Variants in RDH10 observed in about 807,000 individuals in gnomAD.
RDH10 encodes the protein retinol dehydrogenase 10.
Under a neutral mutation model 30.2 loss-of-function variants are expected in RDH10, and 12 were observed. The observed-to-expected ratio is 0.40, with a 90% CI of 0.25 to 0.64. The LOEUF (loss-of-function observed/expected upper bound fraction) is 0.64, where lower values mean the gene tolerates loss of function less well. Ranked by LOEUF, RDH10 falls within the 30% of genes least tolerant of loss-of-function variation. The pLI is 0.43. For missense variants in RDH10, 268 were observed against 445.2 expected (o/e 0.60, Z 3.58); for synonymous variants, 189 against 172.2 (o/e 1.10, Z -0.76).
chr8:73,305,879 A>G (rs1049255353), intron 2 of RDH10, among the ~76,000 whole-genome samples: 3 of 152,212 alleles, frequency 2.0e-5, no homozygotes, highest in African/African-American at 7.2e-5. Context: ...GTTAAGTTCA[A>G]TATTTTGAGC....
rs572456854 is a variant in RDH10, at chr8:73,299,107, C to T, written c.525+1678C>T. Among the ~76,000 whole-genome samples, 15 of 152,326 alleles carry T rather than the reference C, an allele frequency of 9.8e-5. No individual in the cohort carries two copies. The East Asian group carries it at 2.1e-3, about 22-fold the overall frequency. ...AGGGTTACAGGTGTAAACCACTGCA[C>T]CCGGCCAACATGAACTTTATTTAAT... On this transcript the variant is annotated intron_variant, in intron 2 of 5. Coordinates refer to ENST00000240285, the MANE Select transcript of RDH10 (RefSeq NM_172037.5).
At chr8:73,306,988 C>T (rs1264009618) in intron 2 of RDH10, among the ~76,000 whole-genome samples, 3 of 152,156 alleles carry the variant, frequency 2.0e-5, no homozygotes, top group African/African-American at 4.8e-5. Context: ...CATACTGCCC[C>T]CTACTGATTT....
At chr8:73,305,839 A>G (rs1414283982) in intron 2 of RDH10, among the ~76,000 whole-genome samples, 6 of 152,230 alleles carry the variant, frequency 3.9e-5, no homozygotes, top group Non-Finnish European at 7.3e-5. Context: ...CTTAAGAAAT[A>G]GAGAACTATT....
At chr8:73,316,295 C>T (rs1814662891) in intron 2 of RDH10, among the ~76,000 whole-genome samples, 1 of 152,164 alleles carries the variant, frequency 6.6e-6, no homozygotes, top group African/African-American at 2.4e-5. Context: ...TTGGGGATTA[C>T]AAGTGTGAGC....
At chr8:73,296,213 A>T (rs536838226) in intron 1 of RDH10, among the ~76,000 whole-genome samples, 57 of 152,178 alleles carry the variant, frequency 3.7e-4, no homozygotes, top group African/African-American at 1.4e-3. Flanking sequence ...TGCATTTCTG[A>T]ATACTTATTA....
intron 3 of RDH10, among the ~76,000 whole-genome samples, chr8:73,319,933 T>C (rs1356613503): frequency 1.1e-4 from 17 of 152,258 alleles, no homozygotes; most frequent in Admixed American, 1.1e-3. Flanking sequence ...GTCCTCTGCA[T>C]GCCTGTAAAA....
rs140711312 is a variant in RDH10, at chr8:73,308,959, C to A, written c.526-10137C>A. On this transcript the variant is annotated intron_variant, in intron 2 of 5. Transcript: ENST00000240285. ...CAGCCACAGCAGCACCACCTAACTA[C>A]TGAATCTGAGTCTGCATTTGATTCA... Among the ~76,000 whole-genome samples the A allele has an allele frequency of 5.4e-4, 82 of 152,330 alleles. 2 individuals carry two copies. Among genetic ancestry groups the A allele is most frequent in the African/African-American group, 1.9e-3 (79 of 41,584 alleles).
intron 2 of RDH10, among the ~76,000 whole-genome samples, chr8:73,309,743 G>C (rs1484417511): frequency 1.3e-5 from 2 of 151,106 alleles, no homozygotes; most frequent in Non-Finnish European, 2.9e-5. Context: ...TAATGTACAT[G>C]TTCTTTCTAG....
chr8:73,310,552 G>C (rs1814546820), intron 2 of RDH10, among the ~76,000 whole-genome samples: 1 of 152,200 alleles, frequency 6.6e-6, no homozygotes, highest in South Asian at 2.1e-4. Context: ...AGTAGTTACT[G>C]GTCACTAGAG....
intron 4 of RDH10, chr8:73,321,968 G>C (rs1255446203): frequency 4.4e-6 from 2 of 456,280 alleles, no homozygotes; most frequent in South Asian, 3.1e-5. Flanking sequence ...GAACATGTGT[G>C]TGTGTTGGTG....
At chr8:73,318,314 T>C (rs961613384) in intron 2 of RDH10, among the ~76,000 whole-genome samples, 11 of 152,230 alleles carry the variant, frequency 7.2e-5, no homozygotes, top group African/African-American at 2.6e-4. Context: ...ACCTCTGATT[T>C]TGTGCCACCT....
intron 4 of RDH10, 121 bp from the exon 5 acceptor site, chr8:73,322,558 A>G (rs1181847800): frequency 5.9e-6 from 5 of 852,650 alleles, no homozygotes; most frequent in South Asian, 3.7e-5. Flanking sequence ...ACTATGAAGA[A>G]AACAAAATGT....
intron 2 of RDH10, among the ~76,000 whole-genome samples, chr8:73,315,849 C>G (rs1814653308): frequency 6.6e-6 from 1 of 152,114 alleles, no homozygotes; most frequent in South Asian, 2.1e-4. Flanking sequence ...TAACTAAGAC[C>G]CTTTATGTTA....
At chr8:73,309,091 T>A (rs190384953) in intron 2 of RDH10, among the ~76,000 whole-genome samples, 149 of 152,260 alleles carry the variant, frequency 9.8e-4, no homozygotes, top group African/African-American at 3.4e-3. Context: ...ACACACTTTT[T>A]TTTTCCTGAG....
intron 1 of RDH10, 45 bp downstream of exon 1, chr8:73,295,623 C>A: frequency 7.0e-7 from 1 of 1,432,092 alleles, no homozygotes; most frequent in Non-Finnish European, 9.1e-7. Context: ...AAGCCTCTTT[C>A]CACCCCGCGC....
chr8:73,313,638 A>T (rs1443203084), intron 2 of RDH10, among the ~76,000 whole-genome samples: 1 of 152,048 alleles, frequency 6.6e-6, no homozygotes, highest in African/African-American at 2.4e-5. Flanking sequence ...GCCCCTTCCA[A>T]CTCTAAATTC....
intron 4 of RDH10, 55 bp from the exon 5 acceptor site, chr8:73,322,624 C>T (rs1340581772): frequency 1.4e-6 from 2 of 1,407,960 alleles, no homozygotes; most frequent in East Asian, 2.3e-5. Context: ...TATGTATTTC[C>T]AGTCTTTTCT....
At chr8:73,301,200 G>A (rs1180842589) in intron 2 of RDH10, among the ~76,000 whole-genome samples, 6 of 150,182 alleles carry the variant, frequency 4.0e-5, no homozygotes, top group African/African-American at 9.8e-5. Flanking sequence ...ACAGGCGCCC[G>A]CTACCACGCC....
chr8:73,317,683 G>A (rs951215532), intron 2 of RDH10, among the ~76,000 whole-genome samples: 10 of 152,298 alleles, frequency 6.6e-5, no homozygotes, highest in Non-Finnish European at 1.2e-4. Context: ...CACTTTAGGA[G>A]GCCGAGATGG....
Sources: allele counts gnomAD v4.1 joint callset (sites outside exome capture counted in the v4.1 genomes callset), GRCh38; gene constraint gnomAD v4.1.1; transcripts MANE v1.5; gene names NCBI Gene and HGNC (gene_info 2026-07-23, HGNC 2026-07-21).